Variants in PCNX1 observed in about 807,000 individuals in gnomAD.
PCNX1 encodes the protein pecanex 1, also known as pecanex-like protein 1.
Under a neutral mutation model 242.2 loss-of-function variants are expected in PCNX1, and 78 were observed. The observed-to-expected ratio is 0.32, with a 90% CI of 0.27 to 0.39. The LOEUF is 0.39. Ranked by LOEUF, PCNX1 falls within the 10% of genes least tolerant of loss-of-function variation. The pLI is 1.00. For missense variants in PCNX1, 2,581 were observed against 2,856.5 expected (o/e 0.90, Z 2.20); for synonymous variants, 1,024 against 1,032.9 (o/e 0.99, Z 0.17).
chr14:71,069,297 C>G (rs1003444461), intron 26 of PCNX1, among the ~76,000 whole-genome samples: 1 of 152,102 alleles, frequency 6.6e-6, no homozygotes, highest in African/African-American at 2.4e-5. Context: ...ATATCAGTAT[C>G]TCTAAAAAAA....
chr14:70,932,595 T>TTTTA (rs1172448220), intron 1 of PCNX1, among the ~76,000 whole-genome samples: 146 of 151,650 alleles, frequency 9.6e-4, no homozygotes, highest in Non-Finnish European at 1.6e-3. Flanking sequence ...ATTTATCTAA[T>TTTTA]TTTATTTATT....
chr14:71,070,068 A>G (rs1034053509), intron 26 of PCNX1, among the ~76,000 whole-genome samples: 4 of 152,354 alleles, frequency 2.6e-5, no homozygotes, highest in Non-Finnish European at 1.5e-5. Context: ...GGCTCACAAC[A>G]TCTTCACTTA....
chr14:71,005,507 A>G (rs1051347360), intron 8 of PCNX1, among the ~76,000 whole-genome samples: 3 of 138,316 alleles, frequency 2.2e-5, no homozygotes, highest in African/African-American at 7.8e-5. Flanking sequence ...GTCTCTGTCT[A>G]AAAAAAAAAA....
chr14:71,052,100 C>A, intron 24 of PCNX1, 88 bp downstream of exon 24: 1 of 943,592 alleles, frequency 1.1e-6, no homozygotes. Flanking sequence ...ATTTATGGTT[C>A]ATAATTTATT....
chr14:71,018,887 A>C, intron 11 of PCNX1, 122 bp from the exon 12 acceptor site: 1 of 749,166 alleles, frequency 1.3e-6, no homozygotes, highest in Non-Finnish European at 2.1e-6. Context: ...GTTCAAACTC[A>C]GTACCAAAAA....
At chr14:71,086,279 C>T (rs2061986878) in intron 28 of PCNX1, among the ~76,000 whole-genome samples, 1 of 152,138 alleles carries the variant, frequency 6.6e-6, no homozygotes, top group Non-Finnish European at 1.5e-5. Context: ...TGGGTTAAGC[C>T]TAACATCAAT....
At chr14:71,043,493 C>T (rs2060770882) in intron 19 of PCNX1, among the ~76,000 whole-genome samples, 1 of 151,696 alleles carries the variant, frequency 6.6e-6, no homozygotes, top group African/African-American at 2.4e-5. Context: ...CTCCTTCCCT[C>T]TCTCCCTCCC....
chr14:71,033,603 C>T lies in PCNX1; in HGVS notation c.3668+65C>T, dbSNP rs1267350342. 1.3e-5 allele frequency: 11 copies of T among 853,826 alleles called. No homozygotes were observed. The East Asian group carries it at 2.7e-4, about 21-fold the overall frequency. 52.9% of individuals were successfully genotyped at this position (853,826 alleles called of 1,614,324 possible). On this transcript the variant is annotated intron_variant, in intron 17 of 35. Transcript: ENST00000304743. ...AGTAAGTTGGTGTTTTTTTCAAATA[C>T]CTTTGAAGATCTCTTTTTCCCAATG...
At chr14:70,941,752 G>A (rs957967084) in intron 1 of PCNX1, among the ~76,000 whole-genome samples, 2 of 152,204 alleles carry the variant, frequency 1.3e-5, no homozygotes, top group African/African-American at 4.8e-5. Context: ...AGGCAGGCAG[G>A]CCTCCTTGAG....
intron 1 of PCNX1, among the ~76,000 whole-genome samples, chr14:70,916,003 G>A (rs1394717815): frequency 2.0e-5 from 3 of 152,116 alleles, no homozygotes; most frequent in Non-Finnish European, 4.4e-5. Flanking sequence ...CATGGGAAAA[G>A]TTGAGGTTCA....
At chr14:70,912,682 G>T (rs2055976087) in intron 1 of PCNX1, among the ~76,000 whole-genome samples, 1 of 151,898 alleles carries the variant, frequency 6.6e-6, no homozygotes, top group South Asian at 2.1e-4. Context: ...ACATAAATCT[G>T]TGTCATTCTT....
intron 30 of PCNX1, among the ~76,000 whole-genome samples, chr14:71,096,361 C>T (rs2062281551): frequency 1.3e-5 from 2 of 152,082 alleles, no homozygotes; most frequent in Middle Eastern, 3.4e-3. Flanking sequence ...TGTGCCTGTA[C>T]TTAGGAGGCT....
intron 11 of PCNX1, among the ~76,000 whole-genome samples, chr14:71,017,409 C>A (rs2877708): frequency 2.0e-5 from 3 of 151,804 alleles, no homozygotes; most frequent in African/African-American, 7.3e-5. Flanking sequence ...TGAGGTGAGA[C>A]GATTGTTTGA....
intron 1 of PCNX1, among the ~76,000 whole-genome samples, chr14:70,922,447 T>C (rs993526370): frequency 2.0e-5 from 3 of 152,154 alleles, no homozygotes; most frequent in Non-Finnish European, 2.9e-5. Context: ...CCGGTAAATG[T>C]GAATACTATA....
chr14:71,086,382 A>G (rs1267171636), intron 28 of PCNX1, among the ~76,000 whole-genome samples: 1 of 152,208 alleles, frequency 6.6e-6, no homozygotes, highest in Non-Finnish European at 1.5e-5. Context: ...ATTTTTTATT[A>G]GATGCCAGTC....
chr14:71,040,744 C>T (rs568764451), intron 19 of PCNX1, among the ~76,000 whole-genome samples: 2 of 151,896 alleles, frequency 1.3e-5, no homozygotes, highest in African/African-American at 2.4e-5. Context: ...ACTATAGTTA[C>T]CCTCTTGTGC....
At position 71,019,746 on chromosome 14, in the gene PCNX1, T is replaced by A. The variant is rs115269093; in HGVS notation, c.3150+584T>A. Among the ~76,000 whole-genome samples the A allele has an allele frequency of 3.1e-3, 470 of 152,262 alleles. 5 individuals are homozygous for A. The highest frequency in any genetic ancestry group is 0.011 in the African/African-American group (451 of 41,562). ...AAAATAAGAACTTGCATTCTTTTTT[T>A]TTTTAATAGTAGTAGTTTTTTTTAT... On this transcript the variant is annotated intron_variant, in intron 12 of 35. Coordinates refer to ENST00000304743, the MANE Select transcript of PCNX1 (RefSeq NM_014982.3).
chr14:71,106,128 C>T (rs1178438589), intron 33 of PCNX1, among the ~76,000 whole-genome samples: 1 of 151,968 alleles, frequency 6.6e-6, no homozygotes, highest in Non-Finnish European at 1.5e-5. Context: ...ATTCTCCTAC[C>T]TCAGCCTCCC....
At chr14:70,973,410 G>C (rs180769108) in intron 5 of PCNX1, among the ~76,000 whole-genome samples, 2 of 152,210 alleles carry the variant, frequency 1.3e-5, no homozygotes, top group Non-Finnish European at 2.9e-5. Flanking sequence ...GGATTGACCA[G>C]CTTTGTCAAG....
Sources: allele counts gnomAD v4.1 joint callset (sites outside exome capture counted in the v4.1 genomes callset), GRCh38; gene constraint gnomAD v4.1.1; transcripts MANE v1.5; gene names NCBI Gene and HGNC (gene_info 2026-07-23, HGNC 2026-07-21).